Variants in CCDC69 observed in about 807,000 individuals in gnomAD.
CCDC69 encodes the protein coiled-coil domain containing 69.
CCDC69 carries 38 observed loss-of-function variants against 40.3 expected under a neutral mutation model. The ratio of observed to expected loss-of-function variants is 0.94; its 90% CI spans 0.73 to 1.24. CCDC69 has a LOEUF of 1.24. Among genes scored for constraint, CCDC69 ranks in the 50% most tolerant of loss-of-function variants. The probability of loss-of-function intolerance (pLI) is 0.00; values close to 1 mark genes in which losing one functional copy is unlikely to be tolerated. For synonymous variants in CCDC69, 141 were observed against 138.9 expected, an observed-to-expected ratio of 1.02 and a Z score of -0.11; for missense variants, 389 against 357.9, an observed-to-expected ratio of 1.09 and a Z score of -0.70.
At chr5:151,221,236 G>A (rs905648092) in intron 1 of CCDC69, among the ~76,000 whole-genome samples, 1 of 152,152 alleles carries the variant, frequency 6.6e-6, no homozygotes, top group Non-Finnish European at 1.5e-5. Context: ...TCATGGTCAA[G>A]CTCCTGTCCC....
intron 4 of CCDC69, among the ~76,000 whole-genome samples, chr5:151,189,301 C>A (rs929824002): frequency 6.6e-6 from 1 of 151,498 alleles, no homozygotes; most frequent in Admixed American, 6.6e-5. Flanking sequence ...TAAGAAGAAC[C>A]AAAAGGAAAT....
chr5:151,219,682 A>G, intron 1 of CCDC69, among the ~76,000 whole-genome samples: 1 of 152,216 alleles, frequency 6.6e-6, no homozygotes, highest in East Asian at 1.9e-4. Flanking sequence ...AATGGTACAA[A>G]GAATGACACT....
At chr5:151,217,970 G>T (rs1393873943) in intron 1 of CCDC69, among the ~76,000 whole-genome samples, 1 of 150,310 alleles carries the variant, frequency 6.7e-6, no homozygotes, top group East Asian at 1.9e-4. Flanking sequence ...AAGCCACAAA[G>T]GTCATTGTAC....
intron 2 of CCDC69, among the ~76,000 whole-genome samples, chr5:151,203,940 T>C (rs1028343377): frequency 1.4e-5 from 2 of 141,916 alleles, no homozygotes; most frequent in East Asian, 3.9e-4. Context: ...AAATAAAATA[T>C]ATATACTATA....
chr5:151,187,167 T>A (rs1246943122), intron 5 of CCDC69, among the ~76,000 whole-genome samples: 1 of 152,154 alleles, frequency 6.6e-6, no homozygotes, highest in Non-Finnish European at 1.5e-5. Context: ...TCCCCAGCAG[T>A]CCCTGGAAAA....
At chr5:151,215,650 A>AGT (rs1295209250) in intron 1 of CCDC69, 4 of 407,830 alleles carry the variant, frequency 9.8e-6, no homozygotes, top group Middle Eastern at 3.5e-4. Flanking sequence ...TTCAGCAGAC[A>AGT]GTGTAAGGGT....
intron 8 of CCDC69, 103 bp downstream of exon 8, chr5:151,184,241 C>T (rs532226733): frequency 2.5e-5 from 21 of 834,522 alleles, no homozygotes; most frequent in African/African-American, 5.1e-5. Context: ...AGGCCCTGGG[C>T]CCACCTGTCA....
At chr5:151,211,901 G>T (rs1752956018) in intron 1 of CCDC69, among the ~76,000 whole-genome samples, 1 of 151,858 alleles carries the variant, frequency 6.6e-6, no homozygotes, top group Admixed American at 6.6e-5. Context: ...CCTGAGCTAG[G>T]TAGGTCTCAA....
intron 3 of CCDC69, among the ~76,000 whole-genome samples, chr5:151,200,141 G>T (rs761842346): frequency 6.6e-6 from 1 of 151,756 alleles, no homozygotes; most frequent in South Asian, 2.1e-4. Flanking sequence ...TAACTACGGA[G>T]ACTTTTTTTT....
rs1752506690 is a variant in CCDC69, at chr5:151,186,110, T to C, written c.408A>G (p.Arg136=). The part of the protein sequence containing the change: ...ASSTQQETID[R]LTSQLEAFQA... ...GGAAAGCCTCCAGCTGTGAGGTCAG[T>C]CTGTCTATGGTCTCCTGGAGCAGGG... Residue 136 remains arginine (R), a synonymous_variant, in exon 6 of 9, where the codon AGA becomes AGG. Coordinates refer to ENST00000355417, the MANE Select transcript of CCDC69 (RefSeq NM_015621.3). 4 of 1,613,056 alleles carry C rather than the reference T, an allele frequency of 2.5e-6. No individual in the cohort carries two copies. Among genetic ancestry groups the C allele is most frequent in the Non-Finnish European group, 3.4e-6 (4 of 1,179,098 alleles).
chr5:151,183,289 G>A lies in CCDC69; in HGVS notation c.*148C>T, dbSNP rs539474727. The A allele has an allele frequency of 1.7e-4, 157 of 905,886 alleles. 1 individual carries two copies. The African/African-American group carries it at 2.3e-3, about 13-fold the overall frequency. The allele number at this position is 905,886 out of a possible 1,614,324, so 56.1% of individuals were successfully genotyped here. A position where few individuals can be genotyped will look rare whatever the true frequency, so the allele number is the denominator to read the frequency against. ...ATTCCATGTAACTCAAGGCCCCAGG[G>A]CTCACTGGGCACACACCCAGGATCT... On this transcript the variant is annotated 3_prime_UTR_variant, in exon 9 of 9. Transcript: ENST00000355417.
At chr5:151,209,758 T>C (rs905293732) in intron 1 of CCDC69, among the ~76,000 whole-genome samples, 4 of 152,152 alleles carry the variant, frequency 2.6e-5, no homozygotes, top group African/African-American at 9.7e-5. Flanking sequence ...TTTTGTATTT[T>C]TGGTAGAGAT....
At chr5:151,222,453 T>G (rs1753148221) in intron 1 of CCDC69, among the ~76,000 whole-genome samples, 1 of 152,218 alleles carries the variant, frequency 6.6e-6, no homozygotes, top group Admixed American at 6.5e-5. Context: ...TCACCCTTGG[T>G]CCACTTTGCA....
intron 4 of CCDC69, among the ~76,000 whole-genome samples, chr5:151,191,180 T>C (rs1752606645): frequency 1.3e-5 from 2 of 151,204 alleles, no homozygotes. Context: ...AGGTAATAAG[T>C]AAAAGGGTGG....
chr5:151,204,283 C>T (rs1752824013), intron 2 of CCDC69, among the ~76,000 whole-genome samples: 1 of 152,180 alleles, frequency 6.6e-6, no homozygotes, highest in Non-Finnish European at 1.5e-5. Context: ...ATTCCATCCA[C>T]CTTGGCCTCC....
Position 151,198,997 on chromosome 5 carries a change from C to G in CCDC69, c.319G>C (p.Val107Leu). The change falls in exon 4 of 9, where the codon GTC becomes CTC. Residue 107 changes from valine to leucine, a missense_variant and splice_region_variant. Coordinates refer to ENST00000355417, the MANE Select transcript of CCDC69 (RefSeq NM_015621.3). ...LEGKNEEALQ[V>L]LRASYEQEKE... ...GCCAGTGGAACATCTCTACCCTTACCTTGCAGGGCCTCTTCATTCTTTCCT... is the reference window on the plus strand; with the variant it reads ...GCCAGTGGAACATCTCTACCCTTACGTTGCAGGGCCTCTTCATTCTTTCCT... 1.2e-6 allele frequency: 2 copies of G among 1,613,504 alleles called. No homozygotes were observed. Among genetic ancestry groups the G allele is most frequent in the South Asian group, 2.2e-5 (2 of 91,068 alleles).
intron 2 of CCDC69, among the ~76,000 whole-genome samples, chr5:151,203,605 A>T (rs1273882772): frequency 7.1e-6 from 1 of 140,818 alleles, no homozygotes; most frequent in African/African-American, 2.7e-5. Context: ...TATATTAGTA[A>T]ATATATATAT....
chr5:151,196,997 G>T (rs1752709559), intron 4 of CCDC69, among the ~76,000 whole-genome samples: 1 of 152,218 alleles, frequency 6.6e-6, no homozygotes, highest in South Asian at 2.1e-4. Flanking sequence ...GTAGAGTGTG[G>T]TGTGTCTGTG....
chr5:151,190,071 G>T (rs951261327), intron 4 of CCDC69, among the ~76,000 whole-genome samples: 1 of 152,178 alleles, frequency 6.6e-6, no homozygotes, highest in Admixed American at 6.5e-5. Flanking sequence ...CAGCAAACCT[G>T]CTCTAAAAGA....
Sources: allele counts gnomAD v4.1 joint callset (sites outside exome capture counted in the v4.1 genomes callset), GRCh38; gene constraint gnomAD v4.1.1; transcripts MANE v1.5; gene names NCBI Gene and HGNC (gene_info 2026-07-23, HGNC 2026-07-21).